TSG101: variants seen among roughly 807,000 people sequenced by gnomAD.
TSG101 encodes tumor susceptibility gene 101 protein.
In TSG101, 19 loss-of-function variants were observed where a neutral mutation model predicts 48.5. The ratio of observed to expected loss-of-function variants is 0.39; its 90% CI spans 0.27 to 0.58. TSG101 has a LOEUF of 0.58. TSG101 is among the 20% of genes least tolerant of loss of function. The probability of loss-of-function intolerance (pLI) is 0.55; values close to 1 mark genes in which losing one functional copy is unlikely to be tolerated. For missense variants in TSG101, 365 were observed against 484.4 expected, an observed-to-expected ratio of 0.75 and a Z score of 2.31; for synonymous variants, 174 against 169.4, an observed-to-expected ratio of 1.03 and a Z score of -0.21.
At chr11:18,489,567 T>C (rs761806798) in intron 7 of TSG101, among the ~76,000 whole-genome samples, 13 of 152,188 alleles carry the variant, frequency 8.5e-5, no homozygotes, top group Admixed American at 2.6e-4. Flanking sequence ...GGGGATTTAG[T>C]CAGGTGTGTT....
At chr11:18,487,399 G>A (rs1849635279) in intron 7 of TSG101, among the ~76,000 whole-genome samples, 1 of 152,064 alleles carries the variant, frequency 6.6e-6, no homozygotes. Context: ...GGGGAAAACT[G>A]ATTTATAATT....
At position 18,480,504 on chromosome 11, in the gene TSG101, ATACTT is replaced by A. The variant is rs199648260; in HGVS notation, c.*37_*41del. The stretch of plus-strand genomic sequence containing the variant: ...ACCTACTGATAAAAGGAAGAGAAGA[ATACTT>A]TAAGAAGAGCTCAACCTCCAGCTGG... On this transcript the variant is annotated 3_prime_UTR_variant, in exon 10 of 10. Coordinates refer to ENST00000251968, the MANE Select transcript of TSG101 (RefSeq NM_006292.4). 46 of 1,517,202 alleles carry A rather than the reference ATACTT, an allele frequency of 3.0e-5. No homozygotes were observed. The East Asian group carries it at 5.7e-4, about 19-fold the overall frequency. 94.0% of individuals were successfully genotyped at this position (1,517,202 alleles called of 1,614,324 possible). A position where few individuals can be genotyped will look rare whatever the true frequency, so the allele number is the denominator to read the frequency against.
intron 1 of TSG101, among the ~76,000 whole-genome samples, chr11:18,521,089 T>G (rs1447671916): frequency 2.6e-5 from 4 of 152,066 alleles, no homozygotes; most frequent in Non-Finnish European, 4.4e-5. Context: ...GTAAGATCAC[T>G]TCATAGAGGA....
At chr11:18,498,046 A>G (rs1316367617) in intron 7 of TSG101, among the ~76,000 whole-genome samples, 2 of 142,640 alleles carry the variant, frequency 1.4e-5, no homozygotes, top group Admixed American at 1.4e-4. Flanking sequence ...CTATATACCA[A>G]GCACTCTTCT....
chr11:18,524,351 A>G (rs186348102), intron 1 of TSG101, among the ~76,000 whole-genome samples: 1 of 152,300 alleles, frequency 6.6e-6, no homozygotes, highest in Non-Finnish European at 1.5e-5. Flanking sequence ...CACATAAAAC[A>G]TAAGGCAGGT....
chr11:18,490,823 G>A, intron 7 of TSG101: 3 of 546,578 alleles, frequency 5.5e-6, no homozygotes, highest in Non-Finnish European at 1.1e-5. Context: ...GTAGGCAACA[G>A]AGAGCAGATT....
chr11:18,494,136 A>C (rs1033757373), intron 7 of TSG101, among the ~76,000 whole-genome samples: 7 of 152,196 alleles, frequency 4.6e-5, no homozygotes, highest in Admixed American at 3.3e-4. Context: ...GAAGGTAAGT[A>C]GGTATAAGTC....
At chr11:18,504,996 C>T (rs1207503916) in intron 6 of TSG101, among the ~76,000 whole-genome samples, 1 of 152,150 alleles carries the variant, frequency 6.6e-6, no homozygotes, top group African/African-American at 2.4e-5. Flanking sequence ...TCCAAAGTGA[C>T]AGAATGCTTA....
At chr11:18,484,776 C>G (rs1323571295) in intron 7 of TSG101, among the ~76,000 whole-genome samples, 1 of 152,096 alleles carries the variant, frequency 6.6e-6, no homozygotes, top group East Asian at 1.9e-4. Context: ...TCAAAAAGGT[C>G]CCCTTTCTAA....
chr11:18,508,206 G>C (rs1850007617), intron 5 of TSG101, among the ~76,000 whole-genome samples: 1 of 150,684 alleles, frequency 6.6e-6, no homozygotes, highest in African/African-American at 2.4e-5. Flanking sequence ...AATGAGACTA[G>C]GAAATATTTG....
intron 1 of TSG101, among the ~76,000 whole-genome samples, chr11:18,524,856 T>G (rs1021124977): frequency 1.3e-5 from 2 of 152,052 alleles, no homozygotes; most frequent in Admixed American, 1.3e-4. Flanking sequence ...AAAAATAAGC[T>G]AATATTTGAA....
chr11:18,526,899 C>A lies in TSG101; in HGVS notation c.-83G>T. 1.4e-6 allele frequency: 2 copies of A among 1,469,224 alleles called. No homozygotes were observed. Among genetic ancestry groups the A allele is most frequent in the Non-Finnish European group, 9.2e-7 (1 of 1,085,684 alleles). The allele number at this position is 1,469,224 out of a possible 1,614,324, so 91.0% of individuals were successfully genotyped here. A position where few individuals can be genotyped will look rare whatever the true frequency, so the allele number is the denominator to read the frequency against. On this transcript the variant is annotated 5_prime_UTR_variant, in exon 1 of 10. Transcript: ENST00000251968. ...CCCCAGACCGTCCCACACAATCGCA[C>A]ACCCCCAACCCGGCCTCAAACAACA...
At chr11:18,514,644 C>A in intron 4 of TSG101, 34 bp downstream of exon 4, 1 of 1,489,436 alleles carries the variant, frequency 6.7e-7, no homozygotes, top group Admixed American at 2.6e-5. Context: ...ATATATAAAA[C>A]ATAACTAATT....
At chr11:18,514,573 TTATC>T in intron 4 of TSG101, 101 bp downstream of exon 4, 1 of 907,956 alleles carries the variant, frequency 1.1e-6, no homozygotes, top group Non-Finnish European at 1.5e-6. Flanking sequence ...TTATCTGAAC[TTATC>T]TATCCTACCT....
intron 9 of TSG101, chr11:18,481,263 T>A: frequency 1.0e-6 from 1 of 983,496 alleles, no homozygotes; most frequent in Non-Finnish European, 1.2e-6. Flanking sequence ...CTAAGAAAAT[T>A]AACAGATAAA....
At chr11:18,510,908 C>T (rs1850069686) in intron 4 of TSG101, 1 of 149,376 alleles carries the variant, frequency 6.7e-6, no homozygotes, top group South Asian at 2.1e-4. Context: ...GAGTGAGACC[C>T]TGTTTCAAAA....
At chr11:18,525,932 C>T (rs1397898153) in intron 1 of TSG101, among the ~76,000 whole-genome samples, 1 of 152,126 alleles carries the variant, frequency 6.6e-6, no homozygotes, top group East Asian at 1.9e-4. Context: ...TGATTGCTAC[C>T]ATTCTTGCTT....
intron 9 of TSG101, 56 bp downstream of exon 9, chr11:18,481,574 G>C: frequency 6.4e-7 from 1 of 1,574,066 alleles, no homozygotes; most frequent in South Asian, 1.2e-5. Flanking sequence ...GGTTTGCAAG[G>C]TCAGTGCCTC....
At chr11:18,494,383 G>A (rs1240851044) in intron 7 of TSG101, among the ~76,000 whole-genome samples, 1 of 152,166 alleles carries the variant, frequency 6.6e-6, no homozygotes, top group East Asian at 1.9e-4. Flanking sequence ...AATCTATTAT[G>A]TTAGAGGTAT....
Sources: allele counts gnomAD v4.1 joint callset (sites outside exome capture counted in the v4.1 genomes callset), GRCh38; gene constraint gnomAD v4.1.1; transcripts MANE v1.5; gene names NCBI Gene and HGNC (gene_info 2026-07-23, HGNC 2026-07-21).